Variants in BMPR2 observed in about 807,000 individuals in gnomAD.
The protein encoded by BMPR2 is bone morphogenetic protein receptor type 2, also known as bone morphogenetic protein receptor type-2.
BMPR2 carries 29 observed loss-of-function variants against 100.8 expected under a neutral mutation model. The observed-to-expected ratio is 0.29, with a 90% confidence interval of 0.21 to 0.39. The LOEUF (loss-of-function observed/expected upper bound fraction) is 0.39. Ranked by LOEUF, BMPR2 falls within the 10% of genes least tolerant of loss-of-function variation. The probability of loss-of-function intolerance (pLI) is 1.00; values close to 1 mark genes in which losing one functional copy is unlikely to be tolerated. For missense variants in BMPR2, 1,011 were observed against 1,274.5 expected (o/e 0.79, Z 3.15); for synonymous variants, 382 against 442.3 (o/e 0.86, Z 1.71).
intron 3 of BMPR2, among the ~76,000 whole-genome samples, chr2:202,483,479 C>T (rs890635469): frequency 1.3e-5 from 2 of 151,672 alleles, no homozygotes; most frequent in Admixed American, 6.6e-5. Context: ...CCCCCCACCC[C>T]GCCTACCCGC....
chr2:202,414,648 G>A (rs1691085509), intron 1 of BMPR2, among the ~76,000 whole-genome samples: 1 of 152,200 alleles, frequency 6.6e-6, no homozygotes, highest in African/African-American at 2.4e-5. Context: ...ATTGCTGATA[G>A]AGAAAAAGTT....
chr2:202,455,047 G>A (rs150493388), intron 1 of BMPR2, among the ~76,000 whole-genome samples: 135 of 152,246 alleles, frequency 8.9e-4, no homozygotes, highest in African/African-American at 2.7e-3. Context: ...ATCTCATGAC[G>A]TCCTTGAAAC....
intron 1 of BMPR2, among the ~76,000 whole-genome samples, chr2:202,385,616 A>G (rs1465098072): frequency 3.4e-5 from 5 of 149,170 alleles, no homozygotes; most frequent in Admixed American, 1.3e-4. Flanking sequence ...TGCCCGCCTC[A>G]GCCTCCCAAA....
intron 3 of BMPR2, among the ~76,000 whole-genome samples, chr2:202,482,476 T>G (rs113205612): frequency 3.3e-5 from 5 of 151,976 alleles, no homozygotes; most frequent in African/African-American, 1.2e-4. Flanking sequence ...TGGGCTCAAA[T>G]GATCCTCCTG....
chr2:202,413,308 GA>G (rs1490082894), intron 1 of BMPR2, among the ~76,000 whole-genome samples: 1 of 152,182 alleles, frequency 6.6e-6, no homozygotes, highest in Admixed American at 6.5e-5. Context: ...TTTCCTTAGG[GA>G]GAAAATACCT....
chr2:202,498,319 G>C (rs934339289), intron 3 of BMPR2, among the ~76,000 whole-genome samples: 1 of 152,184 alleles, frequency 6.6e-6, no homozygotes, highest in Non-Finnish European at 1.5e-5. Context: ...ACCTTCCTCC[G>C]TCCTCCATGT....
chr2:202,501,894 G>A (rs918516136), intron 3 of BMPR2, among the ~76,000 whole-genome samples: 1 of 152,216 alleles, frequency 6.6e-6, no homozygotes, highest in African/African-American at 2.4e-5. Flanking sequence ...TAGGCCGCCC[G>A]AGATGATCTC....
chr2:202,463,624 A>G (rs974983128), intron 1 of BMPR2, among the ~76,000 whole-genome samples: 3 of 152,208 alleles, frequency 2.0e-5, no homozygotes, highest in Non-Finnish European at 4.4e-5. Flanking sequence ...AGCCTACTGT[A>G]AGAAATGAAA....
chr2:202,420,839 G>T (rs923131035), intron 1 of BMPR2, among the ~76,000 whole-genome samples: 3 of 151,580 alleles, frequency 2.0e-5, no homozygotes, highest in Non-Finnish European at 4.4e-5. Context: ...GAGCCACCAC[G>T]CCCAGCCAGG....
chr2:202,450,103 C>A (rs560316103), intron 1 of BMPR2, among the ~76,000 whole-genome samples: 6 of 151,862 alleles, frequency 4.0e-5, no homozygotes, highest in Non-Finnish European at 5.9e-5. Context: ...GAGCGAGACT[C>A]CGTCTCAAAA....
At chr2:202,521,795 C>A (rs1574489751) in intron 7 of BMPR2, among the ~76,000 whole-genome samples, 1 of 152,160 alleles carries the variant, frequency 6.6e-6, no homozygotes, top group Middle Eastern at 3.4e-3. Flanking sequence ...GCATTCTCTT[C>A]CCTGTACTTT....
chr2:202,536,663 G>A (rs1386510970), intron 9 of BMPR2, among the ~76,000 whole-genome samples: 1 of 151,670 alleles, frequency 6.6e-6, no homozygotes, highest in African/African-American at 2.4e-5. Flanking sequence ...ACCTGAGGTC[G>A]GGAGTTCAAG....
Position 202,433,089 on chromosome 2 carries a change from G to A in BMPR2, c.77-31720G>A, listed in dbSNP as rs1691539356. On this transcript the variant is annotated intron_variant, in intron 1 of 12. Coordinates refer to ENST00000374580, the MANE Select transcript of BMPR2 (RefSeq NM_001204.7). ...CTGAAAATCATATAGCCATCTGCCA[G>A]CTGGTAAGGTAGCATCTGTCTAGGA... Among the ~76,000 whole-genome samples, 3 of 150,472 alleles carry A rather than the reference G, an allele frequency of 2.0e-5. 1 individual carries two copies. The highest frequency in any genetic ancestry group is 7.5e-5 in the African/African-American group (3 of 39,832).
At chr2:202,445,754 C>G (rs953612758) in intron 1 of BMPR2, among the ~76,000 whole-genome samples, 2 of 147,544 alleles carry the variant, frequency 1.4e-5, no homozygotes, top group African/African-American at 5.2e-5. Flanking sequence ...GCCACCATGC[C>G]TAGCCCTACA....
Position 202,472,492 on chromosome 2 carries a change from C to A in BMPR2, c.418+4803C>A, listed in dbSNP as rs574506882. Reference sequence around the variant, plus strand: ...TGGCTACCAAGGTGAAACCCCATCTCTACTAAAAATACAAAAATTAGCCGG... The same window carrying A: ...TGGCTACCAAGGTGAAACCCCATCTATACTAAAAATACAAAAATTAGCCGG... On this transcript the variant is annotated intron_variant, in intron 3 of 12. Transcript: ENST00000374580. Among the ~76,000 whole-genome samples the A allele has an allele frequency of 2.6e-5, 4 of 152,284 alleles. No individual in the cohort carries two copies. The South Asian group carries it at 8.3e-4, about 32-fold the overall frequency.
At position 202,555,602 on chromosome 2, in the gene BMPR2, C is replaced by G. The variant is rs147792289; in HGVS notation, c.1937C>G (p.Ala646Gly). The change falls in exon 12 of 13, where the codon GCA becomes GGA. Residue 646 changes from alanine to glycine, a missense_variant. Coordinates refer to ENST00000374580, the MANE Select transcript of BMPR2 (RefSeq NM_001204.7). ...ACAAATCTGCATACCACAAATGTTG[C>G]ACAGTCAATTGGGCCAACCCCTGTC... ...DETNLHTTNVAQSIGPTPVCL... is the reference protein window; with the variant it reads ...DETNLHTTNVGQSIGPTPVCL... 28 of 1,614,096 alleles carry G rather than the reference C, an allele frequency of 1.7e-5. No homozygotes were observed. The East Asian group carries it at 6.2e-4, about 36-fold the overall frequency.
At position 202,422,797 on chromosome 2, in the gene BMPR2, C is replaced by T. The variant is rs537225162; in HGVS notation, c.77-42012C>T. ...GTTCAAGCGATTCTCCTGCCTCAGCCTCCTGAATAGCTGGGATTACAGGTA... is the reference window on the plus strand; with the variant it reads ...GTTCAAGCGATTCTCCTGCCTCAGCTTCCTGAATAGCTGGGATTACAGGTA... On this transcript the variant is annotated intron_variant, in intron 1 of 12. Transcript: ENST00000374580. Among the ~76,000 whole-genome samples the T allele has an allele frequency of 9.1e-4, 139 of 152,276 alleles. 1 individual carries two copies. The highest frequency in any genetic ancestry group is 3.1e-3 in the African/African-American group (130 of 41,556).
At position 202,376,503 on chromosome 2, in the gene BMPR2, G is replaced by A. The variant is rs1318862365; in HGVS notation, c.-972G>A. ...GTTCCGTCAGGAGCCCAGAGCTGCG[G>A]GAGAACGAGGCGGCGGCGGCGGCGG... On this transcript the variant is annotated 5_prime_UTR_variant, in exon 1 of 13. Coordinates refer to ENST00000374580, the MANE Select transcript of BMPR2 (RefSeq NM_001204.7). 7.2e-6 allele frequency among the ~76,000 whole-genome samples: 1 copy of A among 139,486 alleles called. No individual in the cohort carries two copies. Among genetic ancestry groups the A allele is most frequent in the Non-Finnish European group, 1.6e-5 (1 of 63,940 alleles). 91.5% of individuals were successfully genotyped at this position (139,486 alleles called of 152,430 possible). A position where few individuals can be genotyped will look rare whatever the true frequency, so the allele number is the denominator to read the frequency against.
chr2:202,502,375 GAA>G (rs1401423420), intron 3 of BMPR2, among the ~76,000 whole-genome samples: 3 of 151,662 alleles, frequency 2.0e-5, no homozygotes, highest in African/African-American at 7.3e-5. Flanking sequence ...GGAAGTCAAA[GAA>G]AGAGACAGAG....
Sources: allele counts gnomAD v4.1 joint callset (sites outside exome capture counted in the v4.1 genomes callset), GRCh38; gene constraint gnomAD v4.1.1; transcripts MANE v1.5; gene names NCBI Gene and HGNC (gene_info 2026-07-23, HGNC 2026-07-21).